Variants in KIF6 observed in about 807,000 individuals in gnomAD.
KIF6 encodes kinesin family member 6.
A neutral mutation model predicts 112.7 loss-of-function variants in KIF6; 106 were observed. The ratio of observed to expected loss-of-function variants is 0.94; its 90% CI spans 0.80 to 1.11. The LOEUF is 1.11. Ranked by LOEUF, KIF6 falls within the 50% of genes least tolerant of loss-of-function variation. The pLI is 0.00. For missense variants in KIF6, 929 were observed against 964.0 expected (o/e 0.96, Z 0.48); for synonymous variants, 339 against 339.9 (o/e 1.00, Z 0.03).
chr6:39,345,904 T>C (rs1299826910), intron 20 of KIF6, 115 bp from the exon 21 acceptor site: 2 of 705,654 alleles, frequency 2.8e-6, no homozygotes, highest in Non-Finnish European at 4.9e-6. Context: ...AAAATCCCTA[T>C]GTGGACACCC....
At chr6:39,530,545 C>T (rs987060667) in intron 13 of KIF6, among the ~76,000 whole-genome samples, 1 of 152,198 alleles carries the variant, frequency 6.6e-6, no homozygotes, top group African/African-American at 2.4e-5. Flanking sequence ...CAACAAAAAG[C>T]CCCAAAGCCC....
chr6:39,384,287 G>A (rs1767219682), intron 16 of KIF6, among the ~76,000 whole-genome samples: 2 of 152,214 alleles, frequency 1.3e-5, no homozygotes, highest in South Asian at 2.1e-4. Context: ...GGGTGAGCAC[G>A]AAGCAGGATA....
In KIF6 at chr6:39,689,524, T is replaced by A. The variant is rs115893326; in HGVS notation, c.251+25168A>T. Among the ~76,000 whole-genome samples, 1,482 of 152,070 alleles carry A rather than the reference T, an allele frequency of 9.7e-3. 26 individuals are homozygous for A. The highest frequency in any genetic ancestry group is 0.034 in the African/African-American group (1,391 of 41,474). The stretch of plus-strand genomic sequence containing the variant: ...AAAATAGTAATAATAATAATAATAA[T>A]AAATAAAAATGCAAAATGCAAGCAT... On this transcript the variant is annotated intron_variant, in intron 3 of 22. Transcript: ENST00000287152.
intron 3 of KIF6, among the ~76,000 whole-genome samples, chr6:39,663,631 G>A (rs1337805547): frequency 6.6e-6 from 1 of 152,120 alleles, no homozygotes; most frequent in Non-Finnish European, 1.5e-5. Context: ...AATCAAACTG[G>A]AGAGAACGGA....
chr6:39,362,891 G>A (rs1013928790), intron 16 of KIF6, among the ~76,000 whole-genome samples: 1 of 152,216 alleles, frequency 6.6e-6, no homozygotes, highest in Non-Finnish European at 1.5e-5. Flanking sequence ...GCTCACGCTT[G>A]TAATCCCAGC....
At chr6:39,633,536 G>T (rs570018774) in intron 5 of KIF6, among the ~76,000 whole-genome samples, 6 of 152,228 alleles carry the variant, frequency 3.9e-5, no homozygotes, top group Admixed American at 2.6e-4. Context: ...TCACAGGAGA[G>T]GACTTATTTG....
intron 10 of KIF6, chr6:39,554,772 C>G (rs1561805406): frequency 6.2e-6 from 1 of 161,150 alleles, no homozygotes; most frequent in Admixed American, 6.3e-5. Flanking sequence ...GGATCTCACA[C>G]AAGAACACAT....
intron 3 of KIF6, among the ~76,000 whole-genome samples, chr6:39,640,931 A>G (rs1784867352): frequency 6.6e-6 from 1 of 152,172 alleles, no homozygotes; most frequent in African/African-American, 2.4e-5. Flanking sequence ...TAGTACAGGG[A>G]ATGCGCAAGA....
chr6:39,681,099 A>C (rs549442436), intron 3 of KIF6, among the ~76,000 whole-genome samples: 2 of 152,152 alleles, frequency 1.3e-5, no homozygotes, highest in African/African-American at 4.8e-5. Flanking sequence ...TGGGCAAATA[A>C]ATACATAAAA....
intron 10 of KIF6, among the ~76,000 whole-genome samples, chr6:39,550,050 C>T (rs1473368801): frequency 6.6e-6 from 1 of 152,064 alleles, no homozygotes; most frequent in Admixed American, 6.6e-5. Context: ...GAACATTCAT[C>T]ATCTTTTGTT....
At chr6:39,554,001 A>G (rs563147486) in intron 10 of KIF6, 1 of 155,456 alleles carries the variant, frequency 6.4e-6, no homozygotes, top group East Asian at 1.9e-4. Flanking sequence ...AGCATTACCA[A>G]TGTATTGGAA....
chr6:39,455,004 G>T (rs1420505857), intron 13 of KIF6, among the ~76,000 whole-genome samples: 2 of 150,350 alleles, frequency 1.3e-5, no homozygotes, highest in Non-Finnish European at 3.0e-5. Context: ...AGCTCGAACT[G>T]GGTGGAGCCC....
At chr6:39,470,270 T>G (rs1309119474) in intron 13 of KIF6, among the ~76,000 whole-genome samples, 1 of 152,106 alleles carries the variant, frequency 6.6e-6, no homozygotes, top group African/African-American at 2.4e-5. Flanking sequence ...TAGGAGCAAT[T>G]GCACATGGTG....
intron 16 of KIF6, among the ~76,000 whole-genome samples, chr6:39,365,289 G>C (rs1418914117): frequency 2.6e-5 from 4 of 152,150 alleles, no homozygotes; most frequent in African/African-American, 9.7e-5. Context: ...CTAAACACAG[G>C]ACATGCAGAT....
At chr6:39,346,232 C>G in intron 20 of KIF6, 1 of 619,822 alleles carries the variant, frequency 1.6e-6, no homozygotes, top group Non-Finnish European at 2.9e-6. Context: ...TCAGCAGGAA[C>G]TAAATCTGCT....
At chr6:39,625,165 G>A (rs1236370281) in intron 5 of KIF6, among the ~76,000 whole-genome samples, 2 of 152,160 alleles carry the variant, frequency 1.3e-5, no homozygotes, top group Admixed American at 6.6e-5. Flanking sequence ...ACTGTGAGAA[G>A]TAAGTGTCTG....
chr6:39,360,649 A>C lies in KIF6; in HGVS notation c.1947-119T>G, dbSNP rs1765060407. The C allele has an allele frequency of 2.6e-6, 3 of 1,158,014 alleles. No homozygotes were observed. In the East Asian group the frequency reaches 7.2e-5, roughly 28 times the overall value. The allele number at this position is 1,158,014 out of a possible 1,614,324, so 71.7% of individuals were successfully genotyped here. A position where few individuals can be genotyped will look rare whatever the true frequency, so the allele number is the denominator to read the frequency against. ...TCCCGTCAGAGCTGCCCTGGTGCTC[A>C]GGGACTGGGACCCTATAGGAGCTTC... On this transcript the variant is annotated intron_variant, in intron 17 of 22. Coordinates refer to ENST00000287152, the MANE Select transcript of KIF6 (RefSeq NM_145027.6).
intron 10 of KIF6, among the ~76,000 whole-genome samples, chr6:39,546,825 C>CAAAAA (rs35366749): frequency 8.0e-4 from 83 of 104,086 alleles, no homozygotes; most frequent in Non-Finnish European, 1.5e-3. Context: ...GACCCTGTCT[C>CAAAAA]AAAAAAAAAA....
rs1290707998 is a variant in KIF6 at position 39,695,946 on chromosome 6, C to G, written c.251+18746G>C. 2.0e-5 allele frequency among the ~76,000 whole-genome samples: 3 copies of G among 152,166 alleles called. No homozygotes were observed. The East Asian group carries it at 5.8e-4, about 29-fold the overall frequency. ...ATAAAGAAAATGTGGTATATATACACCATGGAATACCACACAGCCATAAAA... is the reference window on the plus strand; with the variant it reads ...ATAAAGAAAATGTGGTATATATACAGCATGGAATACCACACAGCCATAAAA... On this transcript the variant is annotated intron_variant, in intron 3 of 22. Coordinates refer to ENST00000287152, the MANE Select transcript of KIF6 (RefSeq NM_145027.6).
Sources: allele counts gnomAD v4.1 joint callset (sites outside exome capture counted in the v4.1 genomes callset), GRCh38; gene constraint gnomAD v4.1.1; transcripts MANE v1.5; gene names NCBI Gene and HGNC (gene_info 2026-07-23, HGNC 2026-07-21).